EYS: variants seen among roughly 807,000 people sequenced by gnomAD.
The protein encoded by EYS is protein eyes shut homolog.
A neutral mutation model predicts 282.1 loss-of-function variants in EYS; 250 were observed. That is an observed-to-expected ratio of 0.89 (90% CI 0.80 to 0.98). The LOEUF is 0.98. Among genes scored for constraint, EYS ranks in the 50% least tolerant of loss-of-function variants. The probability of loss-of-function intolerance (pLI) is 0.00; values close to 1 mark genes in which losing one functional copy is unlikely to be tolerated. For missense variants in EYS, 4,016 were observed against 3,709.0 expected (o/e 1.08, Z -2.15); for synonymous variants, 1,355 against 1,282.9 (o/e 1.06, Z -1.20).
chr6:63,849,829 C>A (rs1421425074), intron 36 of EYS, among the ~76,000 whole-genome samples: 1 of 152,100 alleles, frequency 6.6e-6, no homozygotes, highest in Non-Finnish European at 1.5e-5. Flanking sequence ...GAATGAGTTA[C>A]ACAAATGGAC....
intron 30 of EYS, among the ~76,000 whole-genome samples, chr6:64,285,285 G>C (rs920793817): frequency 2.6e-5 from 4 of 151,382 alleles, no homozygotes; most frequent in African/African-American, 9.7e-5. Context: ...TTACCACTTA[G>C]AAATTTCTTC....
intron 12 of EYS, among the ~76,000 whole-genome samples, chr6:65,277,910 C>T (rs77955461): frequency 0.027 from 4,140 of 152,058 alleles, 179 homozygotes; most frequent in African/African-American, 0.091. Context: ...TTTTACTGGG[C>T]CACATGGTAC....
intron 19 of EYS, among the ~76,000 whole-genome samples, chr6:64,875,091 T>G (rs1188892361): frequency 6.6e-6 from 1 of 152,078 alleles, no homozygotes; most frequent in African/African-American, 2.4e-5. Context: ...GAAATATACC[T>G]GTAGGTCTGC....
At chr6:65,519,708 ATTTTTT>A (rs59743261) in intron 2 of EYS, among the ~76,000 whole-genome samples, 4 of 42,560 alleles carry the variant, frequency 9.4e-5, no homozygotes, top group African/African-American at 1.3e-4. Context: ...ATATATATAT[ATTTTTT>A]TTTTTTTTTT....
rs371762844 is a variant in EYS, at chr6:64,277,852, T to C, written c.6191+29118A>G. Among the ~76,000 whole-genome samples, 58 of 152,246 alleles carry C rather than the reference T, an allele frequency of 3.8e-4. No homozygotes were observed. The East Asian group carries it at 8.1e-3, about 21-fold the overall frequency. On this transcript the variant is annotated intron_variant, in intron 30 of 42. Coordinates refer to ENST00000503581, the MANE Select transcript of EYS (RefSeq NM_001142800.2). ...AAATAGCATCTAGTCTAATCCATAC[T>C]TTTAAGATCACATTTGAAAAAGTTT...
chr6:64,341,489 T>C (rs1350439456), intron 29 of EYS, among the ~76,000 whole-genome samples: 1 of 151,612 alleles, frequency 6.6e-6, no homozygotes, highest in African/African-American at 2.4e-5. Flanking sequence ...GGGAGGTAAG[T>C]ATTGAGCAAC....
At chr6:64,331,339 C>A (rs1770638493) in intron 29 of EYS, among the ~76,000 whole-genome samples, 1 of 152,136 alleles carries the variant, frequency 6.6e-6, no homozygotes, top group Non-Finnish European at 1.5e-5. Context: ...TAGCAGTCAT[C>A]TATTGCAAAG....
intron 33 of EYS, among the ~76,000 whole-genome samples, chr6:64,000,559 A>G (rs1005105429): frequency 2.0e-5 from 3 of 152,060 alleles, no homozygotes; most frequent in African/African-American, 7.2e-5. Flanking sequence ...TGGTCATTTT[A>G]TTTTTAAAAC....
chr6:64,333,563 C>A (rs975487480), intron 29 of EYS, among the ~76,000 whole-genome samples: 4 of 152,134 alleles, frequency 2.6e-5, no homozygotes, highest in Admixed American at 6.5e-5. Context: ...ACAACTGGAA[C>A]ATGCAACCCA....
intron 26 of EYS, among the ~76,000 whole-genome samples, chr6:64,502,507 C>G (rs1352844244): frequency 6.6e-6 from 1 of 152,204 alleles, no homozygotes; most frequent in Non-Finnish European, 1.5e-5. Flanking sequence ...CAGGCGTGAG[C>G]CACTGCGCTC....
chr6:64,423,366 A>G (rs1774297280), intron 28 of EYS, among the ~76,000 whole-genome samples: 2 of 152,236 alleles, frequency 1.3e-5, no homozygotes, highest in African/African-American at 4.8e-5. Context: ...TGTCCATTTC[A>G]AATTCAGCCA....
chr6:65,020,614 G>T (rs1391242430), intron 13 of EYS, among the ~76,000 whole-genome samples: 1 of 152,120 alleles, frequency 6.6e-6, no homozygotes, highest in Admixed American at 6.5e-5. Flanking sequence ...TACCATTCTT[G>T]GGTCTGGAGG....
At chr6:65,486,073 T>G (rs796534450) in intron 5 of EYS, among the ~76,000 whole-genome samples, 2 of 152,348 alleles carry the variant, frequency 1.3e-5, no homozygotes, top group African/African-American at 4.8e-5. Flanking sequence ...CATAATACAT[T>G]GTTTTGATCA....
At chr6:65,279,583 A>G (rs1388647802) in intron 12 of EYS, among the ~76,000 whole-genome samples, 1 of 152,116 alleles carries the variant, frequency 6.6e-6, no homozygotes, top group Non-Finnish European at 1.5e-5. Flanking sequence ...CATTCCCCCA[A>G]AATAGTTGCA....
intron 2 of EYS, among the ~76,000 whole-genome samples, chr6:65,515,263 A>C (rs961108559): frequency 1.4e-4 from 22 of 151,958 alleles, no homozygotes; most frequent in African/African-American, 5.1e-4. Flanking sequence ...ACCAGTTAGA[A>C]TGGCAATCAT....
chr6:64,105,502 T>C (rs1772980014), intron 31 of EYS, among the ~76,000 whole-genome samples: 1 of 152,156 alleles, frequency 6.6e-6, no homozygotes, highest in Admixed American at 6.6e-5. Flanking sequence ...GTACATTCTA[T>C]GGGTTTTAAC....
chr6:65,513,440 G>T (rs1343850312), intron 2 of EYS, among the ~76,000 whole-genome samples: 1 of 152,076 alleles, frequency 6.6e-6, no homozygotes, highest in Non-Finnish European at 1.5e-5. Flanking sequence ...ACTCATTTTA[G>T]GAGGCCAGCA....
At chr6:65,277,527 T>C (rs1375613446) in intron 12 of EYS, among the ~76,000 whole-genome samples, 1 of 152,036 alleles carries the variant, frequency 6.6e-6, no homozygotes, top group Non-Finnish European at 1.5e-5. Flanking sequence ...GCAGTCTGCA[T>C]TCCGGGAAAG....
At chr6:64,757,125 C>T (rs1268627767) in intron 22 of EYS, among the ~76,000 whole-genome samples, 41 of 152,090 alleles carry the variant, frequency 2.7e-4, no homozygotes, top group Admixed American at 2.7e-3. Context: ...TCTATCCTTA[C>T]CTCTTATTCA....
Sources: allele counts gnomAD v4.1 joint callset (sites outside exome capture counted in the v4.1 genomes callset), GRCh38; gene constraint gnomAD v4.1.1; transcripts MANE v1.5; gene names NCBI Gene and HGNC (gene_info 2026-07-23, HGNC 2026-07-21).